The following GRIA3 variants were observed in gnomAD, a reference collection of about 807,000 sequenced individuals.
GRIA3 encodes glutamate receptor 3.
A neutral mutation model predicts 63.0 loss-of-function variants in GRIA3; 3 were observed. That is an observed-to-expected ratio of 0.05 (90% CI 0.02 to 0.12). GRIA3 has a LOEUF of 0.12. Among genes scored for constraint, GRIA3 ranks in the 10% least tolerant of loss-of-function variants. GRIA3 has a pLI of 1.00. For missense variants in GRIA3, 347 were observed against 700.9 expected, an observed-to-expected ratio of 0.50 and a Z score of 5.70; for synonymous variants, 274 against 257.9, an observed-to-expected ratio of 1.06 and a Z score of -0.60.
intron 11 of GRIA3, among the ~76,000 whole-genome samples, chrX:123,427,612 G>A: frequency 9.0e-6 from 1 of 111,680 alleles, no homozygotes; most frequent in Admixed American, 9.5e-5. Flanking sequence ...GGAGGCTGAA[G>A]CTGGAAGATA....
chrX:123,467,462 C>A (rs976934331), intron 13 of GRIA3, among the ~76,000 whole-genome samples: 6 of 112,498 alleles, frequency 5.3e-5, no homozygotes, highest in Non-Finnish European at 1.1e-4. Flanking sequence ...ATGACACTGA[C>A]AATTTAGCCA....
At chrX:123,451,020 G>A (rs1046528472) in intron 12 of GRIA3, among the ~76,000 whole-genome samples, 3 of 112,254 alleles carry the variant, frequency 2.7e-5, no homozygotes, top group African/African-American at 9.7e-5. Flanking sequence ...GAGGGAAAGA[G>A]TGGTAAGAGA....
Position 123,443,738 on chromosome X carries a change from T to G in GRIA3, c.2076+15599T>G, listed in dbSNP as rs201060862. On this transcript the variant is annotated intron_variant, in intron 12 of 15. Transcript: ENST00000620443. Reference sequence around the variant, plus strand: ...GCACTCTTACCTGAAAGAATTTAGATGAATAGCCATAGATATTAGTCAGCA... The same window carrying G: ...GCACTCTTACCTGAAAGAATTTAGAGGAATAGCCATAGATATTAGTCAGCA... Among the ~76,000 whole-genome samples, 3 of 111,362 alleles carry G rather than the reference T, an allele frequency of 2.7e-5. No individual in the cohort carries two copies. In the East Asian group the frequency reaches 8.5e-4, roughly 31 times the overall value.
chrX:123,451,505 TAAAAAAA>T (rs56991039), intron 12 of GRIA3, among the ~76,000 whole-genome samples: 5 of 16,189 alleles, frequency 3.1e-4, no homozygotes, highest in South Asian at 0.022. Context: ...ACTCTGTCTC[TAAAAAAA>T]AAAAAAAAAA....
chrX:123,261,010 C>T (rs903982187), intron 3 of GRIA3, among the ~76,000 whole-genome samples: 3 of 111,872 alleles, frequency 2.7e-5, no homozygotes, highest in Non-Finnish European at 3.8e-5. Context: ...TTTAATACTT[C>T]GATTTGCACA....
chrX:123,382,251 A>G (rs757152367), intron 5 of GRIA3, among the ~76,000 whole-genome samples: 77 of 111,015 alleles, frequency 6.9e-4, no homozygotes, highest in African/African-American at 2.5e-3. Flanking sequence ...CTTTCTGTCC[A>G]TATGGCCTGG....
intron 5 of GRIA3, 104 bp from the exon 6 acceptor site, chrX:123,394,864 G>T (rs2045404858): frequency 3.4e-6 from 2 of 582,951 alleles, no homozygotes; most frequent in Admixed American, 5.0e-5. Context: ...GCTAATAAAT[G>T]ATCCTAGGGA....
In GRIA3 at chrX:123,339,953, A is replaced by T. The variant is rs72609492; in HGVS notation, c.696+13740A>T. On this transcript the variant is annotated intron_variant, in intron 4 of 15. Transcript: ENST00000620443. Reference sequence around the variant, plus strand: ...ATGAGACGATTCTGCTTAGGCATTAAACCACCTCCCTTCATTTTACAGTGA... The same window carrying T: ...ATGAGACGATTCTGCTTAGGCATTATACCACCTCCCTTCATTTTACAGTGA... 2.1e-4 allele frequency among the ~76,000 whole-genome samples: 24 copies of T among 112,357 alleles called. 1 individual carries two copies. In the East Asian group the frequency reaches 6.7e-3, roughly 31 times the overall value.
At chrX:123,184,689 C>A (rs1306841532) in intron 1 of GRIA3, 45 bp downstream of exon 1, 1 of 915,099 alleles carries the variant, frequency 1.1e-6, no homozygotes, top group African/African-American at 1.9e-5. Context: ...CTCCCTCACC[C>A]GAGACCACTG....
intron 2 of GRIA3, among the ~76,000 whole-genome samples, chrX:123,239,116 T>A (rs993223588): frequency 3.6e-5 from 4 of 110,639 alleles, no homozygotes; most frequent in Admixed American, 1.9e-4. Flanking sequence ...GCTTGGCCAA[T>A]GGCGGTGTTG....
At chrX:123,388,993 A>G (rs1369558169) in intron 5 of GRIA3, among the ~76,000 whole-genome samples, 1 of 112,325 alleles carries the variant, frequency 8.9e-6, no homozygotes, top group Non-Finnish European at 1.9e-5. Context: ...ATTCGGGAGC[A>G]TGTTGTTTAA....
At chrX:123,375,226 G>A (rs1264144706) in intron 5 of GRIA3, among the ~76,000 whole-genome samples, 1 of 111,993 alleles carries the variant, frequency 8.9e-6, no homozygotes, top group Non-Finnish European at 1.9e-5. Context: ...GTGTTGATAT[G>A]ATGTAACATA....
chrX:123,383,512 G>A (rs775151587), intron 5 of GRIA3, among the ~76,000 whole-genome samples: 98 of 110,901 alleles, frequency 8.8e-4, no homozygotes, highest in African/African-American at 3.1e-3. Flanking sequence ...TTAGCTCCCA[G>A]ATATGAGTGA....
intron 3 of GRIA3, among the ~76,000 whole-genome samples, chrX:123,260,360 C>G (rs190365815): frequency 2.6e-4 from 24 of 91,221 alleles, no homozygotes; most frequent in Non-Finnish European, 3.9e-4. Flanking sequence ...TTGGCCAAAA[C>G]TGTTAAGACA....
intron 3 of GRIA3, among the ~76,000 whole-genome samples, chrX:123,278,067 A>T (rs2044565405): frequency 8.9e-6 from 1 of 112,118 alleles, no homozygotes; most frequent in South Asian, 3.8e-4. Context: ...CAGGCTTCAT[A>T]AGCAGTCAAC....
In GRIA3 at chrX:123,380,321, T is replaced by G. The variant is rs2045315318; in HGVS notation, c.751-14647T>G. ...CCAGCACCTGTTGTTTCCCGACTTT[T>G]TAATGATCACCATTCTAACTGGTGT... On this transcript the variant is annotated intron_variant, in intron 5 of 15. Transcript: ENST00000620443. Among the ~76,000 whole-genome samples the G allele has an allele frequency of 2.7e-5, 3 of 112,259 alleles. No individual in the cohort carries two copies. The Admixed American group carries it at 2.8e-4, about 11-fold the overall frequency.
intron 12 of GRIA3, among the ~76,000 whole-genome samples, chrX:123,439,359 A>G (rs1250595703): frequency 9.0e-6 from 1 of 111,674 alleles, no homozygotes; most frequent in African/African-American, 3.3e-5. Context: ...TGCCCTCAAA[A>G]CTGATCTTCT....
rs1432603434 is a variant in GRIA3, at chrX:123,488,802, T to C, written c.*92T>C. On this transcript the variant is annotated 3_prime_UTR_variant, in exon 16 of 16. Transcript: ENST00000620443. The stretch of plus-strand genomic sequence containing the variant: ...CTGAGCCAGATTTCACTCTCCTTGG[T>C]GTCGGGCATGACACGAATATTGCTG... 9.0e-6 allele frequency: 1 copy of C among 111,530 alleles called. No homozygotes were observed. Among genetic ancestry groups the C allele is most frequent in the Non-Finnish European group, 1.9e-5 (1 of 53,110 alleles). The allele number at this position is 111,530 out of a possible 1,213,427, so 9.2% of individuals were successfully genotyped here.
intron 2 of GRIA3, among the ~76,000 whole-genome samples, chrX:123,230,339 T>C (rs2044269731): frequency 8.9e-6 from 1 of 112,200 alleles, no homozygotes; most frequent in Non-Finnish European, 1.9e-5. Context: ...TCTTGTGTCA[T>C]ATGCCCCCAG....
Sources: allele counts gnomAD v4.1 joint callset (sites outside exome capture counted in the v4.1 genomes callset), GRCh38; gene constraint gnomAD v4.1.1; transcripts MANE v1.5; gene names NCBI Gene and HGNC (gene_info 2026-07-23, HGNC 2026-07-21).